CCDC192: variants seen among roughly 807,000 people sequenced by gnomAD.
CCDC192 encodes the protein coiled-coil domain containing 192.
chr5:127,772,057 G>T (rs934804168), intron 3 of CCDC192, among the ~76,000 whole-genome samples: 4 of 152,070 alleles, frequency 2.6e-5, no homozygotes, highest in African/African-American at 9.7e-5. Flanking sequence ...TTGAAGTTTT[G>T]CCAGGCACCC....
chr5:127,923,545 C>G (rs1007195780), intron 6 of CCDC192, among the ~76,000 whole-genome samples: 1 of 151,882 alleles, frequency 6.6e-6, no homozygotes, highest in African/African-American at 2.4e-5. Flanking sequence ...GCCCTGCTAA[C>G]TTTTTGTATT....
intron 3 of CCDC192, among the ~76,000 whole-genome samples, chr5:127,756,477 C>G (rs1754601196): frequency 6.6e-6 from 1 of 152,140 alleles, no homozygotes; most frequent in Non-Finnish European, 1.5e-5. Flanking sequence ...TTCTTAATGT[C>G]TTCTGTTCCT....
intron 5 of CCDC192, among the ~76,000 whole-genome samples, chr5:127,859,245 A>G (rs1751251125): frequency 6.6e-6 from 1 of 152,198 alleles, no homozygotes; most frequent in Non-Finnish European, 1.5e-5. Flanking sequence ...ATATTAACAA[A>G]CATGTTTTGT....
At chr5:127,784,921 C>A in intron 3 of CCDC192, 1 of 454,274 alleles carries the variant, frequency 2.2e-6, no homozygotes, top group African/African-American at 2.1e-5. Context: ...ATTTTTATAA[C>A]CAAGATGTAA....
intron 3 of CCDC192, among the ~76,000 whole-genome samples, chr5:127,776,440 A>C (rs1333595653): frequency 6.6e-6 from 1 of 152,198 alleles, no homozygotes; most frequent in Non-Finnish European, 1.5e-5. Context: ...AAAAGCATTC[A>C]GTTTTATAAG....
At chr5:127,913,414 A>C (rs943600161) in intron 6 of CCDC192, among the ~76,000 whole-genome samples, 3 of 152,220 alleles carry the variant, frequency 2.0e-5, no homozygotes, top group African/African-American at 4.8e-5. Context: ...GTGGTTCTAC[A>C]TCTTGAGGCC....
chr5:127,730,267 A>G (rs1752567332), intron 2 of CCDC192, among the ~76,000 whole-genome samples: 1 of 152,210 alleles, frequency 6.6e-6, no homozygotes, highest in Non-Finnish European at 1.5e-5. Flanking sequence ...AAACTAGAAA[A>G]TCTAGAAGAA....
At chr5:127,833,011 A>G (rs1377784087) in intron 5 of CCDC192, among the ~76,000 whole-genome samples, 1 of 152,196 alleles carries the variant, frequency 6.6e-6, no homozygotes. Flanking sequence ...GAAAAATTTA[A>G]TCGTGGCCAC....
At chr5:127,761,091 C>T (rs1029588544) in intron 3 of CCDC192, among the ~76,000 whole-genome samples, 2 of 152,220 alleles carry the variant, frequency 1.3e-5, no homozygotes, top group Non-Finnish European at 2.9e-5. Flanking sequence ...CAAGCCCATT[C>T]TGGCTTATTG....
chr5:127,813,551 C>T (rs1234995575), intron 5 of CCDC192, among the ~76,000 whole-genome samples: 1 of 152,026 alleles, frequency 6.6e-6, no homozygotes, highest in Admixed American at 6.6e-5. Context: ...GTGCCATTTA[C>T]TGAGGGCTGA....
chr5:127,746,953 T>C (rs1022631593), intron 2 of CCDC192, among the ~76,000 whole-genome samples: 2 of 152,138 alleles, frequency 1.3e-5, no homozygotes, highest in Non-Finnish European at 2.9e-5. Context: ...TACCACCAGA[T>C]GGCTCTATTG....
At chr5:127,896,497 G>A (rs768636573) in intron 6 of CCDC192, among the ~76,000 whole-genome samples, 5 of 151,118 alleles carry the variant, frequency 3.3e-5, no homozygotes, top group African/African-American at 7.3e-5. Context: ...GCAACACTGC[G>A]AACTCGGCTC....
chr5:127,912,372 T>C (rs1753393175), intron 6 of CCDC192, among the ~76,000 whole-genome samples: 1 of 142,250 alleles, frequency 7.0e-6, no homozygotes, highest in Non-Finnish European at 1.5e-5. Context: ...CAATGGGTTG[T>C]ATAGCTGTTT....
intron 5 of CCDC192, among the ~76,000 whole-genome samples, chr5:127,863,597 G>A (rs766126250): frequency 6.6e-6 from 1 of 152,166 alleles, no homozygotes; most frequent in African/African-American, 2.4e-5. Flanking sequence ...GGACAGTTTT[G>A]CAAGATGAAA....
intron 6 of CCDC192, chr5:127,940,753 T>A (rs1754375390): frequency 1.3e-5 from 2 of 152,608 alleles, no homozygotes; most frequent in African/African-American, 4.8e-5. Flanking sequence ...CCGGCCCTCA[T>A]TTTTTATTTT....
intron 3 of CCDC192, among the ~76,000 whole-genome samples, chr5:127,777,062 C>G (rs1755906640): frequency 6.6e-6 from 1 of 152,140 alleles, no homozygotes; most frequent in African/African-American, 2.4e-5. Flanking sequence ...AGAAGAGGGC[C>G]ACTGTCCTCC....
intron 6 of CCDC192, among the ~76,000 whole-genome samples, chr5:127,912,500 G>A (rs1753402908): frequency 6.8e-6 from 1 of 146,000 alleles, no homozygotes; most frequent in Non-Finnish European, 1.5e-5. Context: ...TACTAAAGAT[G>A]TTTAGAGCTT....
At chr5:127,730,498 G>A (rs756631651) in intron 2 of CCDC192, among the ~76,000 whole-genome samples, 43 of 152,112 alleles carry the variant, frequency 2.8e-4, no homozygotes, top group Non-Finnish European at 4.3e-4. Context: ...TTGAAAAGGA[G>A]AGACTCCTCC....
At chr5:127,757,659 C>T (rs759306604) in intron 3 of CCDC192, among the ~76,000 whole-genome samples, 2 of 151,658 alleles carry the variant, frequency 1.3e-5, no homozygotes, top group Non-Finnish European at 1.5e-5. Context: ...AATAGAACAC[C>T]TGTCACAAAC....
Sources: allele counts gnomAD v4.1 joint callset (sites outside exome capture counted in the v4.1 genomes callset), GRCh38; gene constraint gnomAD v4.1.1; transcripts MANE v1.5; gene names NCBI Gene and HGNC (gene_info 2026-07-23, HGNC 2026-07-21).